LRMDA: variants seen among roughly 807,000 people sequenced by gnomAD.
The protein encoded by LRMDA is leucine rich melanocyte differentiation associated, also known as leucine-rich melanocyte differentiation-associated protein.
Under a neutral mutation model 29.8 loss-of-function variants are expected in LRMDA, and 18 were observed. That is an observed-to-expected ratio of 0.60 (90% CI 0.42 to 0.90). LRMDA has a LOEUF of 0.90. LRMDA is among the 40% of genes least tolerant of loss of function. The probability of loss-of-function intolerance (pLI) is 0.00; values close to 1 mark genes in which losing one functional copy is unlikely to be tolerated. For missense variants in LRMDA, 273 were observed against 273.9 expected, an observed-to-expected ratio of 1.00 and a Z score of 0.02; for synonymous variants, 125 against 109.4, an observed-to-expected ratio of 1.14 and a Z score of -0.89.
chr10:75,988,041 G>A (rs983524189), intron 2 of LRMDA, among the ~76,000 whole-genome samples: 45 of 152,262 alleles, frequency 3.0e-4, no homozygotes, highest in African/African-American at 1.0e-3. Flanking sequence ...AAGCAGCTGC[G>A]ATCACTAATG....
intron 2 of LRMDA, chr10:75,742,929 T>G (rs1426235674): frequency 1.3e-5 from 2 of 152,060 alleles, no homozygotes; most frequent in Admixed American, 6.5e-5. Context: ...AAACATTATG[T>G]GATTAGTGCT....
At chr10:76,142,127 A>G (rs1850213317) in intron 5 of LRMDA, among the ~76,000 whole-genome samples, 1 of 151,990 alleles carries the variant, frequency 6.6e-6, no homozygotes, top group Non-Finnish European at 1.5e-5. Flanking sequence ...ATACTGGAAG[A>G]CATCTTTTTC....
intron 2 of LRMDA, among the ~76,000 whole-genome samples, chr10:75,820,779 G>A (rs1369669595): frequency 1.3e-5 from 2 of 151,938 alleles, no homozygotes; most frequent in Non-Finnish European, 2.9e-5. Context: ...AACTAAATTA[G>A]CAAAGAAAAA....
At chr10:76,296,299 G>A (rs569089757) in intron 5 of LRMDA, among the ~76,000 whole-genome samples, 119 of 152,322 alleles carry the variant, frequency 7.8e-4, no homozygotes, top group Non-Finnish European at 1.3e-3. Flanking sequence ...AAGGTTGCAC[G>A]TTTAGAATAG....
At chr10:75,999,658 A>C (rs1847528723) in intron 2 of LRMDA, among the ~76,000 whole-genome samples, 2 of 152,216 alleles carry the variant, frequency 1.3e-5, no homozygotes, top group South Asian at 4.1e-4. Flanking sequence ...TGGCGTTGAC[A>C]ATACTGACAA....
chr10:76,362,290 G>T (rs953509736), intron 6 of LRMDA, among the ~76,000 whole-genome samples: 1 of 152,226 alleles, frequency 6.6e-6, no homozygotes, highest in African/African-American at 2.4e-5. Flanking sequence ...TAAACAGGTG[G>T]TGGAGAGAGT....
rs182432163 is a variant in LRMDA, at chr10:76,090,421, G to A, written c.516+31638G>A. Among the ~76,000 whole-genome samples the A allele has an allele frequency of 3.1e-3, 467 of 152,268 alleles. 3 individuals carry two copies. Among genetic ancestry groups the A allele is most frequent in the Non-Finnish European group, 3.0e-3 (204 of 68,024 alleles). ...AGGATGTGGAGAAATTAGAACCCTC[G>A]TGTGCTGTTGGTGGGAATGCAAAAT... is the stretch of plus-strand genomic sequence containing the variant. On this transcript the variant is annotated intron_variant, in intron 5 of 6. Coordinates refer to ENST00000611255, the MANE Select transcript of LRMDA (RefSeq NM_001305581.2).
chr10:76,388,364 T>C (rs1306347834), intron 6 of LRMDA, among the ~76,000 whole-genome samples: 5 of 152,222 alleles, frequency 3.3e-5, no homozygotes, highest in Admixed American at 3.3e-4. Flanking sequence ...CACAATGTCT[T>C]CACCCTCAGC....
At chr10:75,655,850 G>A (rs1841667635) in intron 2 of LRMDA, among the ~76,000 whole-genome samples, 1 of 152,108 alleles carries the variant, frequency 6.6e-6, no homozygotes, top group African/African-American at 2.4e-5. Flanking sequence ...AGGATGTTTG[G>A]TTCAAACGTG....
intron 6 of LRMDA, among the ~76,000 whole-genome samples, chr10:76,488,857 G>A (rs927066870): frequency 1.3e-5 from 2 of 151,822 alleles, no homozygotes; most frequent in Non-Finnish European, 2.9e-5. Flanking sequence ...TGATCATGAT[G>A]AATGAAGTTT....
rs565973381 is a variant in LRMDA at position 76,483,175 on chromosome 10, G to T, written c.602-74034G>T. Among the ~76,000 whole-genome samples, 7 of 151,970 alleles carry T rather than the reference G, an allele frequency of 4.6e-5. 1 individual carries two copies. In the South Asian group the frequency reaches 1.5e-3, roughly 32 times the overall value. On this transcript the variant is annotated intron_variant, in intron 6 of 6. Coordinates refer to ENST00000611255, the MANE Select transcript of LRMDA (RefSeq NM_001305581.2). ...AGTTTGCATTTTTCATTCCCTTAAT[G>T]GTGTATTTTGATGAACAGAAGTTCT...
intron 2 of LRMDA, among the ~76,000 whole-genome samples, chr10:75,578,230 A>AAAAAAAAAAAAAC (rs1840535204): frequency 6.9e-6 from 1 of 145,350 alleles, no homozygotes; most frequent in Non-Finnish European, 1.5e-5. Context: ...AAAAAAAAAA[A>AAAAAAAAAAAAAC]AAAAAAAAAG....
rs115437800 is a variant in LRMDA at position 75,443,658 on chromosome 10, C to T, written c.131+5164C>T. Among the ~76,000 whole-genome samples the T allele has an allele frequency of 4.9e-3, 750 of 152,182 alleles. 10 individuals carry two copies. The highest frequency in any genetic ancestry group is 0.017 in the African/African-American group (718 of 41,532). ...TATGTTCATCAGGGATATTGGCTTGCAGTGTCCTTGTCTGGCTTTGGTATC... is the reference window on the plus strand; with the variant it reads ...TATGTTCATCAGGGATATTGGCTTGTAGTGTCCTTGTCTGGCTTTGGTATC... On this transcript the variant is annotated intron_variant, in intron 2 of 6. Transcript: ENST00000611255.
intron 2 of LRMDA, among the ~76,000 whole-genome samples, chr10:75,825,560 G>T (rs1432366608): frequency 6.6e-6 from 1 of 152,108 alleles, no homozygotes; most frequent in Non-Finnish European, 1.5e-5. Flanking sequence ...TCCTGGGAGA[G>T]CCCGAGCTTA....
intron 2 of LRMDA, among the ~76,000 whole-genome samples, chr10:75,968,374 C>T (rs922024744): frequency 6.6e-6 from 1 of 152,064 alleles, no homozygotes; most frequent in African/African-American, 2.4e-5. Context: ...GGAGACCAGC[C>T]CATCTTTCAC....
intron 2 of LRMDA, among the ~76,000 whole-genome samples, chr10:75,606,326 TCTC>T (rs1463077347): frequency 2.6e-5 from 4 of 152,200 alleles, no homozygotes; most frequent in African/African-American, 9.7e-5. Flanking sequence ...CTGAATTTCT[TCTC>T]TGTTGATTCA....
chr10:76,487,146 A>T (rs1842790418), intron 6 of LRMDA, among the ~76,000 whole-genome samples: 1 of 151,900 alleles, frequency 6.6e-6, no homozygotes, highest in Non-Finnish European at 1.5e-5. Context: ...TCTATGAAGG[A>T]TGTTGAATGT....
intron 2 of LRMDA, among the ~76,000 whole-genome samples, chr10:75,683,028 C>A (rs191413151): frequency 1.3e-5 from 2 of 152,328 alleles, no homozygotes; most frequent in African/African-American, 4.8e-5. Flanking sequence ...GGGATTTACA[C>A]GTTGCTGAGC....
At chr10:76,223,707 T>C (rs1005653052) in intron 5 of LRMDA, among the ~76,000 whole-genome samples, 5 of 152,126 alleles carry the variant, frequency 3.3e-5, no homozygotes, top group African/African-American at 9.7e-5. Flanking sequence ...GAACCAACCA[T>C]GCTGACACCT....
Sources: allele counts gnomAD v4.1 joint callset (sites outside exome capture counted in the v4.1 genomes callset), GRCh38; gene constraint gnomAD v4.1.1; transcripts MANE v1.5; gene names NCBI Gene and HGNC (gene_info 2026-07-23, HGNC 2026-07-21).